The following LARGE1 variants were observed in gnomAD, a reference collection of about 807,000 sequenced individuals.
LARGE1 encodes the protein LARGE xylosyl- and glucuronyltransferase 1.
A neutral mutation model predicts 87.6 loss-of-function variants in LARGE1; 43 were observed. That is an observed-to-expected ratio of 0.49 (90% confidence interval 0.38 to 0.63). The LOEUF is 0.63. Among genes scored for constraint, LARGE1 ranks in the 30% least tolerant of loss-of-function variants. LARGE1 has a pLI of 0.00. For missense variants in LARGE1, 802 were observed against 1,000.2 expected (o/e 0.80, Z 2.67); for synonymous variants, 434 against 394.6 (o/e 1.10, Z -1.18).
rs2082138528 is a variant in LARGE1 at position 33,692,996 on chromosome 22, T to C, written c.107-42328A>G. On this transcript the variant is annotated intron_variant, in intron 2 of 14. Transcript: ENST00000397394. ...CAATAGCAAAGACATGGGACCAACC[T>C]AAATGTCCATCATCAGTAGACTGGA... Among the ~76,000 whole-genome samples, 3 of 152,036 alleles carry C rather than the reference T, an allele frequency of 2.0e-5. No individual in the cohort carries two copies. In the South Asian group the frequency reaches 6.2e-4, roughly 32 times the overall value.
intron 3 of LARGE1, among the ~76,000 whole-genome samples, chr22:33,630,003 G>A (rs1717116596): frequency 6.6e-6 from 1 of 152,174 alleles, no homozygotes; most frequent in African/African-American, 2.4e-5. Flanking sequence ...TTCAAGACCA[G>A]CCTGGCTAAC....
At chr22:33,347,333 T>C (rs1939877704) in intron 9 of LARGE1, among the ~76,000 whole-genome samples, 1 of 152,218 alleles carries the variant, frequency 6.6e-6, no homozygotes, top group Non-Finnish European at 1.5e-5. Context: ...TGACTTATTA[T>C]TCTTTTGGAG....
At chr22:33,299,605 C>A (rs1404949492) in intron 12 of LARGE1, among the ~76,000 whole-genome samples, 4 of 152,174 alleles carry the variant, frequency 2.6e-5, no homozygotes, top group African/African-American at 9.7e-5. Flanking sequence ...GCACAGAAGT[C>A]CAATACTGAA....
the LARGE1 span, among the ~76,000 whole-genome samples, chr22:33,121,819 G>A: frequency 6.6e-6 from 1 of 152,186 alleles, no homozygotes; most frequent in Non-Finnish European, 1.5e-5. Context: ...ACTCATGGCA[G>A]AAGGCAAATG....
chr22:33,906,694 A>G (rs1177870742), intron 1 of LARGE1, among the ~76,000 whole-genome samples: 1 of 152,090 alleles, frequency 6.6e-6, no homozygotes, highest in African/African-American at 2.4e-5. Context: ...AAACTCCTGA[A>G]AAACTGCCTC....
chr22:33,843,509 G>C (rs2063342407), intron 1 of LARGE1, among the ~76,000 whole-genome samples: 1 of 151,262 alleles, frequency 6.6e-6, no homozygotes, highest in African/African-American at 2.4e-5. Flanking sequence ...AGGTAGACAG[G>C]GAAAGAGTAG....
At chr22:33,548,236 C>T in intron 6 of LARGE1, among the ~76,000 whole-genome samples, 1 of 152,312 alleles carries the variant, frequency 6.6e-6, no homozygotes, top group South Asian at 2.1e-4. Context: ...GCACCTTCCC[C>T]TACGCTCTTT....
At chr22:33,290,704 A>AC (rs1186201656) in intron 12 of LARGE1, among the ~76,000 whole-genome samples, 1 of 152,140 alleles carries the variant, frequency 6.6e-6, no homozygotes, top group East Asian at 1.9e-4. Context: ...CATCTAGGGC[A>AC]CCAGTCAAGT....
the LARGE1 span, among the ~76,000 whole-genome samples, chr22:33,103,234 C>T: frequency 2.0e-5 from 3 of 151,848 alleles, no homozygotes; most frequent in African/African-American, 4.8e-5. Flanking sequence ...GAGATTGAGA[C>T]CATCCTGGCT....
chr22:33,468,320 A>T (rs2068698526), intron 6 of LARGE1, among the ~76,000 whole-genome samples: 2 of 152,142 alleles, frequency 1.3e-5, no homozygotes, highest in African/African-American at 4.8e-5. Context: ...AAAAAAACCC[A>T]TTGATCTGGG....
chr22:33,383,848 A>G (rs575048322), intron 8 of LARGE1, among the ~76,000 whole-genome samples: 6 of 152,290 alleles, frequency 3.9e-5, no homozygotes, highest in Admixed American at 1.3e-4. Context: ...GGTGATGAAG[A>G]GGGCACCGAC....
chr22:33,546,488 TTC>T (rs1161962805), intron 6 of LARGE1, among the ~76,000 whole-genome samples: 3 of 152,232 alleles, frequency 2.0e-5, no homozygotes, highest in African/African-American at 7.2e-5. Context: ...ATGCCCCCTT[TTC>T]TCTCACCATA....
chr22:33,314,096 G>A (rs890966738), intron 11 of LARGE1, among the ~76,000 whole-genome samples: 1 of 152,192 alleles, frequency 6.6e-6, no homozygotes, highest in African/African-American at 2.4e-5. Context: ...TGAGAAAACT[G>A]TGGGCCCAAG....
intron 1 of LARGE1, among the ~76,000 whole-genome samples, chr22:33,853,059 A>T (rs1241233265): frequency 6.6e-6 from 1 of 152,064 alleles, no homozygotes; most frequent in Non-Finnish European, 1.5e-5. Flanking sequence ...GGGGGGGCCT[A>T]AACAAAGCCA....
intron 7 of LARGE1, among the ~76,000 whole-genome samples, chr22:33,396,458 AGT>A (rs747325411): frequency 1.9e-4 from 26 of 137,460 alleles, no homozygotes; most frequent in Admixed American, 4.3e-4. Flanking sequence ...AGACAGAGAG[AGT>A]GACAGAGAGA....
At chr22:33,639,787 G>A (rs887829344) in intron 3 of LARGE1, among the ~76,000 whole-genome samples, 2 of 152,122 alleles carry the variant, frequency 1.3e-5, no homozygotes, top group African/African-American at 4.8e-5. Context: ...AAGATCAAAG[G>A]GGATCGTTCT....
At chr22:33,627,306 C>T (rs181642152) in intron 3 of LARGE1, among the ~76,000 whole-genome samples, 45 of 152,306 alleles carry the variant, frequency 3.0e-4, no homozygotes, top group East Asian at 1.4e-3. Context: ...GCATCCCCGA[C>T]GGGACATCAT....
chr22:33,258,129 C>A (rs1415509455), intron 11 of LARGE1, among the ~76,000 whole-genome samples: 1 of 152,082 alleles, frequency 6.6e-6, no homozygotes, highest in East Asian at 1.9e-4. Flanking sequence ...CCCAGGTTCA[C>A]CGCGATTCTC....
At chr22:33,353,137 T>C (rs1413268290) in intron 9 of LARGE1, among the ~76,000 whole-genome samples, 2 of 152,268 alleles carry the variant, frequency 1.3e-5, no homozygotes, top group Non-Finnish European at 2.9e-5. Context: ...CTTCAAACTG[T>C]GTATTATGCC....
Sources: gnomAD v4.1 joint callset for allele counts (sites outside exome capture counted in the v4.1 genomes callset) on GRCh38, gnomAD v4.1.1 for gene constraint, MANE v1.5 for transcripts, NCBI Gene and HGNC (gene_info 2026-07-23, HGNC 2026-07-21) for gene names.